ECT2L: variants seen among roughly 807,000 people sequenced by gnomAD.
ECT2L encodes epithelial cell-transforming sequence 2 oncogene-like.
In ECT2L, 126 loss-of-function variants were observed where a neutral mutation model predicts 122.8. The ratio of observed to expected loss-of-function variants is 1.03; its 90% CI spans 0.89 to 1.19. ECT2L has a LOEUF of 1.19. ECT2L is among the 50% of genes most tolerant of loss of function. The pLI, the probability that ECT2L is intolerant of heterozygous loss-of-function variation, is 0.00. For synonymous variants in ECT2L, 385 were observed against 381.8 expected (o/e 1.01, Z -0.10); for missense variants, 1,012 against 1,064.1 (o/e 0.95, Z 0.68).
intron 9 of ECT2L, among the ~76,000 whole-genome samples, chr6:138,851,211 C>G (rs1400215153): frequency 6.6e-6 from 1 of 151,720 alleles, no homozygotes; most frequent in Non-Finnish European, 1.5e-5. Context: ...TTCTTGGAGA[C>G]AGAGCCTCGC....
intron 1 of ECT2L, among the ~76,000 whole-genome samples, chr6:138,803,619 C>T (rs1329876898): frequency 6.6e-6 from 1 of 152,086 alleles, no homozygotes; most frequent in Non-Finnish European, 1.5e-5. Context: ...TTTATCTGAA[C>T]AACACATTAT....
chr6:138,813,450 T>C (rs2128373385), intron 3 of ECT2L, 110 bp downstream of exon 3: 1 of 838,452 alleles, frequency 1.2e-6, no homozygotes, highest in Admixed American at 3.1e-5. Flanking sequence ...TCTAAAGAAT[T>C]TAGCTTTTCA....
Position 138,902,655 on chromosome 6 carries a change from C to G in ECT2L, c.*28C>G. On this transcript the variant is annotated 3_prime_UTR_variant, in exon 22 of 22. Coordinates refer to ENST00000541398, the MANE Select transcript of ECT2L (RefSeq NM_001077706.3). ...CCGAACTTGAAAACTTCAGGGGTGC[C>G]AATTCTCCCCAGCAAAGACAGACAA... 6.2e-7 allele frequency: 1 copy of G among 1,611,114 alleles called. No individual in the cohort carries two copies. Among genetic ancestry groups the G allele is most frequent in the Non-Finnish European group, 8.5e-7 (1 of 1,178,710 alleles).
chr6:138,796,610 G>A (rs1441889116), intron 1 of ECT2L, among the ~76,000 whole-genome samples: 3 of 151,774 alleles, frequency 2.0e-5, no homozygotes. Flanking sequence ...TGGGGGCTGG[G>A]TTGGGGGAAT....
intron 13 of ECT2L, among the ~76,000 whole-genome samples, chr6:138,873,892 G>GTGTGTGTA (rs1348453112): frequency 1.5e-5 from 2 of 134,850 alleles, no homozygotes; most frequent in African/African-American, 5.5e-5. Context: ...GTGTGTGTGT[G>GTGTGTGTA]TGTGTGTGTG....
intron 10 of ECT2L, among the ~76,000 whole-genome samples, chr6:138,856,203 GCAATTCTTTTTGTCTC>G (rs1777604611): frequency 3.0e-4 from 1 of 3,328 alleles, no homozygotes; most frequent in African/African-American, 1.1e-3. Context: ...CCCCACCACA[GCAATTCTTTTTGTCTC>G]CCCCACCCCA....
intron 20 of ECT2L, 142 bp from the exon 21 acceptor site, chr6:138,900,806 C>A: frequency 1.1e-6 from 1 of 885,572 alleles, no homozygotes; most frequent in Non-Finnish European, 1.7e-6. Flanking sequence ...GAATATTATA[C>A]TGAGAACTTC....
At chr6:138,895,569 A>G (rs889287609) in intron 20 of ECT2L, among the ~76,000 whole-genome samples, 1 of 151,996 alleles carries the variant, frequency 6.6e-6, no homozygotes, top group Admixed American at 6.6e-5. Flanking sequence ...AAACATATAT[A>G]TATATATTTT....
At chr6:138,839,088 C>T (rs1776950799) in intron 5 of ECT2L, among the ~76,000 whole-genome samples, 1 of 152,076 alleles carries the variant, frequency 6.6e-6, no homozygotes. Flanking sequence ...CCAAGGAGTT[C>T]ACTTTTCTTC....
At position 138,862,330 on chromosome 6, in the gene ECT2L, A is replaced by G. The variant is rs114564532; in HGVS notation, c.1199-297A>G. The stretch of plus-strand genomic sequence containing the variant: ...AGCTTATAATCACGGCAGAAGGTGA[A>G]GGGGCAGGTGGTGTGTCACATGGCA... On this transcript the variant is annotated intron_variant, in intron 10 of 21. Coordinates refer to ENST00000541398, the MANE Select transcript of ECT2L (RefSeq NM_001077706.3). 6.7e-3 allele frequency among the ~76,000 whole-genome samples: 1,014 copies of G among 152,256 alleles called. 11 individuals are homozygous for G. The highest frequency in any genetic ancestry group is 0.023 in the African/African-American group (969 of 41,546).
At chr6:138,850,529 G>C (rs1777400757) in intron 9 of ECT2L, among the ~76,000 whole-genome samples, 1 of 34,710 alleles carries the variant, frequency 2.9e-5, no homozygotes, top group South Asian at 1.2e-3. Context: ...TATGTATATA[G>C]TATGTTTTAT....
At chr6:138,841,229 A>C (rs1236769480) in intron 5 of ECT2L, among the ~76,000 whole-genome samples, 3 of 152,226 alleles carry the variant, frequency 2.0e-5, no homozygotes, top group Non-Finnish European at 4.4e-5. Flanking sequence ...GGATCTCTCT[A>C]TAGTTATTAA....
In ECT2L at chr6:138,849,344, T is replaced by C. The variant is rs774389434; in HGVS notation, c.979T>C (p.Tyr327His). ...CAGCGTAACCTTGGAAAGCCTTCTG[T>C]ATCTTATAGAAAAAGCTCTGGATGG... is the stretch of plus-strand genomic sequence containing the variant. Reference protein sequence around the residue: ...EHSVTLESLLYLIEKALDGQK... With the variant: ...EHSVTLESLLHLIEKALDGQK... Residue 327 changes from tyrosine (Y) to histidine (H), a missense_variant, in exon 9 of 22, where the codon TAT (tyrosine) becomes CAT (histidine). Coordinates refer to ENST00000541398, the MANE Select transcript of ECT2L (RefSeq NM_001077706.3). 2.5e-6 allele frequency: 4 copies of C among 1,614,166 alleles called. No homozygotes were observed. The highest frequency in any genetic ancestry group is 1.7e-5 in the Admixed American group (1 of 60,008).
At chr6:138,867,469 G>GT (rs1778086452) in intron 12 of ECT2L, among the ~76,000 whole-genome samples, 1 of 151,820 alleles carries the variant, frequency 6.6e-6, no homozygotes, top group Non-Finnish European at 1.5e-5. Flanking sequence ...GAGGCCAGGA[G>GT]TTTGAGACCA....
chr6:138,864,570 G>T (rs984419641), intron 11 of ECT2L, among the ~76,000 whole-genome samples: 47 of 152,112 alleles, frequency 3.1e-4, no homozygotes, highest in African/African-American at 1.1e-3. Context: ...TGATGACAGG[G>T]TTGACTTCCA....
At chr6:138,853,454 G>A (rs138530364) in intron 9 of ECT2L, among the ~76,000 whole-genome samples, 1 of 152,228 alleles carries the variant, frequency 6.6e-6, no homozygotes, top group African/African-American at 2.4e-5. Context: ...CCAGTGGGAG[G>A]GAGTGAAACA....
intron 4 of ECT2L, among the ~76,000 whole-genome samples, chr6:138,835,476 C>T (rs547341493): frequency 2.6e-5 from 4 of 151,162 alleles, no homozygotes; most frequent in Admixed American, 6.6e-5. Flanking sequence ...TGCTTGAGGC[C>T]GGGAGGCAGA....
At chr6:138,829,721 T>G (rs76587129) in intron 4 of ECT2L, among the ~76,000 whole-genome samples, 3,598 of 145,650 alleles carry the variant, frequency 0.025, 139 homozygotes, top group African/African-American at 0.085. Context: ...GTGTTTTTGG[T>G]TTTTTTTTCC....
rs532820763 is a variant in ECT2L, at chr6:138,870,779, C to T, written c.1578+2573C>T. 7.9e-5 allele frequency among the ~76,000 whole-genome samples: 12 copies of T among 152,108 alleles called. No individual in the cohort carries two copies. In the South Asian group the frequency reaches 2.3e-3, roughly 29 times the overall value. ...ATCCCAGCACTTTGGGAGGCCCAGG[C>T]GGGCAGATCATTTGAGGTCAGGAGT... On this transcript the variant is annotated intron_variant, in intron 13 of 21. Transcript: ENST00000541398.
Sources: gnomAD v4.1 joint callset for allele counts (sites outside exome capture counted in the v4.1 genomes callset) on GRCh38, gnomAD v4.1.1 for gene constraint, MANE v1.5 for transcripts, NCBI Gene and HGNC (gene_info 2026-07-23, HGNC 2026-07-21) for gene names.